The following SAMMSON variants were observed in gnomAD, a reference collection of about 807,000 sequenced individuals.
The protein encoded by SAMMSON is survival associated mitochondrial melanoma specific oncogenic non-coding RNA, also known as long intergenic non-protein coding RNA 1212.
chr3:70,061,303 G>C (rs1381285388), intron 3 of SAMMSON, among the ~76,000 whole-genome samples: 1 of 152,134 alleles, frequency 6.6e-6, no homozygotes, highest in Non-Finnish European at 1.5e-5. Context: ...CCATGACCAA[G>C]TCTAGGGACC....
intron 2 of SAMMSON, among the ~76,000 whole-genome samples, chr3:70,397,886 A>G (rs1701105370): frequency 6.6e-6 from 1 of 152,176 alleles, no homozygotes; most frequent in South Asian, 2.1e-4. Flanking sequence ...ACATTTTATT[A>G]TGAAAAATGT....
intron 4 of SAMMSON, among the ~76,000 whole-genome samples, chr3:70,076,466 A>T (rs1406501844): frequency 6.6e-6 from 1 of 152,162 alleles, no homozygotes. Flanking sequence ...CTTCCAGCTA[A>T]CTGGGTGCCT....
At chr3:70,404,190 TG>T (rs1701162130) in intron 2 of SAMMSON, among the ~76,000 whole-genome samples, 1 of 152,084 alleles carries the variant, frequency 6.6e-6, no homozygotes, top group South Asian at 2.1e-4. Context: ...ATCATTATAA[TG>T]GTGCTAATGA....
chr3:70,245,285 A>T (rs1701695997), intron 4 of SAMMSON, among the ~76,000 whole-genome samples: 1 of 152,120 alleles, frequency 6.6e-6, no homozygotes. Context: ...TTTTGGTGAT[A>T]TAAAATTACT....
chr3:70,190,434 T>C (rs533692628), intron 4 of SAMMSON, among the ~76,000 whole-genome samples: 49 of 152,348 alleles, frequency 3.2e-4, no homozygotes, highest in Middle Eastern at 3.4e-3. Flanking sequence ...TGCTCCTTAA[T>C]AAATTGAAAG....
At chr3:70,374,463 T>C (rs970034513) in intron 9 of SAMMSON, among the ~76,000 whole-genome samples, 1 of 152,078 alleles carries the variant, frequency 6.6e-6, no homozygotes, top group East Asian at 1.9e-4. Context: ...TATTGCTAGG[T>C]GGGGATAGAA....
At chr3:70,030,439 A>C (rs2067059632) in intron 3 of SAMMSON, 1 of 152,208 alleles carries the variant, frequency 6.6e-6, no homozygotes, top group African/African-American at 2.4e-5. Flanking sequence ...ATAGCTAAGA[A>C]CAAATAGCTA....
chr3:70,244,449 C>A (rs185984468), intron 4 of SAMMSON, among the ~76,000 whole-genome samples: 1 of 152,054 alleles, frequency 6.6e-6, no homozygotes, highest in Non-Finnish European at 1.5e-5. Context: ...TGTAAAGGAA[C>A]GGAGTAATCA....
intron 9 of SAMMSON, among the ~76,000 whole-genome samples, chr3:70,375,404 T>TG (rs1447531397): frequency 6.1e-5 from 2 of 32,834 alleles, no homozygotes; most frequent in Admixed American, 4.8e-4. Context: ...TTTTTGTTGT[T>TG]TTTTTTTTTT....
chr3:70,148,883 G>A (rs924690245), intron 4 of SAMMSON, among the ~76,000 whole-genome samples: 11 of 152,062 alleles, frequency 7.2e-5, no homozygotes, highest in Admixed American at 4.6e-4. Flanking sequence ...TGCAGAAAGC[G>A]TGATGGTTTG....
chr3:70,169,197 T>C (rs2067651250), intron 4 of SAMMSON, among the ~76,000 whole-genome samples: 2 of 152,082 alleles, frequency 1.3e-5, no homozygotes, highest in South Asian at 2.1e-4. Context: ...TTGCTACCTA[T>C]GAATAATCTT....
chr3:70,258,098 T>A lies in SAMMSON; in HGVS notation n.674+8428T>A, dbSNP rs115116260. 6.0e-3 allele frequency among the ~76,000 whole-genome samples: 914 copies of A among 152,204 alleles called. 8 individuals carry two copies. Among genetic ancestry groups the A allele is most frequent in the African/African-American group, 0.021 (879 of 41,530 alleles). ...TATTCATAAGGAAAAGTTAAATGAA[T>A]CCCAACTTTCATTTCACATCATAGA... is the stretch of plus-strand genomic sequence containing the variant. On this transcript the variant is annotated intron_variant and non_coding_transcript_variant, in intron 6 of 9. Coordinates refer to ENST00000642114, the Ensembl canonical transcript of SAMMSON.
At chr3:70,272,095 A>G (rs1406821068) in intron 6 of SAMMSON, 2 of 152,176 alleles carry the variant, frequency 1.3e-5, no homozygotes, top group Non-Finnish European at 2.9e-5. Flanking sequence ...AATAACAACA[A>G]TCCCCAAATA....
At chr3:70,353,522 A>G (rs1465867862) in intron 7 of SAMMSON, among the ~76,000 whole-genome samples, 1 of 152,132 alleles carries the variant, frequency 6.6e-6, no homozygotes, top group Non-Finnish European at 1.5e-5. Context: ...ACAATGAAAT[A>G]TTACTATACT....
intron 7 of SAMMSON, among the ~76,000 whole-genome samples, chr3:70,295,833 A>AT (rs1281195786): frequency 1.3e-5 from 2 of 152,162 alleles, no homozygotes; most frequent in East Asian, 3.8e-4. Context: ...ATAATACCTT[A>AT]TTTTTTATGA....
At chr3:70,293,885 G>T (rs1702265096) in intron 7 of SAMMSON, among the ~76,000 whole-genome samples, 1 of 151,866 alleles carries the variant, frequency 6.6e-6, no homozygotes, top group Non-Finnish European at 1.5e-5. Context: ...TTATTTTTGT[G>T]TTACATGTTG....
At chr3:70,433,433 T>A (rs919630027) in intron 2 of SAMMSON, among the ~76,000 whole-genome samples, 4 of 152,144 alleles carry the variant, frequency 2.6e-5, no homozygotes, top group Non-Finnish European at 5.9e-5. Context: ...TTCATATGCT[T>A]TTTTGCTATC....
intron 4 of SAMMSON, among the ~76,000 whole-genome samples, chr3:70,224,177 G>A (rs907993834): frequency 6.6e-6 from 1 of 152,116 alleles, no homozygotes; most frequent in Non-Finnish European, 1.5e-5. Flanking sequence ...CGTAGACTTT[G>A]GTAAATAGCC....
In SAMMSON at chr3:70,108,423, C is replaced by CTTTTTTTT. The variant is rs61561713; in HGVS notation, n.507+36869_507+36876dup. ...TAGTGTTTCTCAACTCTTGCGGTTC[C>CTTTTTTTT]TTTTTTTTTTTTTTTTTTATCATAA... On this transcript the variant is annotated intron_variant and non_coding_transcript_variant, in intron 4 of 9. Coordinates refer to ENST00000642114, the Ensembl canonical transcript of SAMMSON. Among the ~76,000 whole-genome samples, 69 of 89,344 alleles carry CTTTTTTTT rather than the reference C, an allele frequency of 7.7e-4. 6 individuals are homozygous for CTTTTTTTT. Among genetic ancestry groups the CTTTTTTTT allele is most frequent in the Admixed American group, 1.3e-3 (10 of 7,600 alleles). The allele number at this position is 89,344 out of a possible 152,430, so 58.6% of individuals were successfully genotyped here. A position where few individuals can be genotyped will look rare whatever the true frequency, so the allele number is the denominator to read the frequency against.
Sources: allele counts gnomAD v4.1 joint callset (sites outside exome capture counted in the v4.1 genomes callset), GRCh38; gene constraint gnomAD v4.1.1; transcripts MANE v1.5; gene names NCBI Gene and HGNC (gene_info 2026-07-23, HGNC 2026-07-21).